The following ERI1 variants were observed in gnomAD, a reference collection of about 807,000 sequenced individuals.
ERI1 encodes exoribonuclease 1, also known as 3'-5' exoribonuclease 1.
A neutral mutation model predicts 39.7 loss-of-function variants in ERI1; 39 were observed. The ratio of observed to expected loss-of-function variants is 0.98; its 90% CI spans 0.76 to 1.28. ERI1 has a LOEUF of 1.28. Among genes scored for constraint, ERI1 ranks in the 50% most tolerant of loss-of-function variants. The pLI is 0.00. For missense variants in ERI1, 581 were observed against 416.9 expected (o/e 1.39, Z -3.43); for synonymous variants, 204 against 149.6 (o/e 1.36, Z -2.65).
intron 3 of ERI1, among the ~76,000 whole-genome samples, chr8:9,085,968 G>T: frequency 6.6e-6 from 1 of 150,630 alleles, no homozygotes; most frequent in East Asian, 1.9e-4. Context: ...TGCATGTGTT[G>T]GTTTGTGTGT....
chr8:9,046,342 G>A (rs1038303972), intron 3 of ERI1, among the ~76,000 whole-genome samples: 1 of 152,218 alleles, frequency 6.6e-6, no homozygotes, highest in Non-Finnish European at 1.5e-5. Flanking sequence ...AGCAGAGAGA[G>A]ACATGAGCAG....
intron 3 of ERI1, chr8:9,088,634 G>T (rs920983006): frequency 6.6e-6 from 1 of 152,224 alleles, no homozygotes; most frequent in Non-Finnish European, 1.5e-5. Flanking sequence ...TGGCGCAGAG[G>T]GGGAGCAATG....
At chr8:9,016,013 G>A (rs973116306) in intron 3 of ERI1, among the ~76,000 whole-genome samples, 14 of 151,892 alleles carry the variant, frequency 9.2e-5, no homozygotes, top group African/African-American at 3.1e-4. Flanking sequence ...GCATTAATGC[G>A]CTTTATAGTT....
chr8:9,087,339 G>A (rs574956010), intron 3 of ERI1, among the ~76,000 whole-genome samples: 25 of 151,470 alleles, frequency 1.7e-4, no homozygotes, highest in African/African-American at 3.9e-4. Flanking sequence ...TCCGCCTCCC[G>A]GGTTGAAGCC....
chr8:9,093,469 C>T (rs979920074), intron 3 of ERI1, among the ~76,000 whole-genome samples: 2 of 144,984 alleles, frequency 1.4e-5, no homozygotes, highest in Middle Eastern at 3.6e-3. Flanking sequence ...ATGCATACAC[C>T]TGGATAATAT....
chr8:9,087,930 G>C (rs1799581933), intron 3 of ERI1, among the ~76,000 whole-genome samples: 1 of 152,270 alleles, frequency 6.6e-6, no homozygotes, highest in East Asian at 1.9e-4. Flanking sequence ...AAGACTTTCA[G>C]TACAAATAAG....
At chr8:9,016,194 A>C in intron 3 of ERI1, 128 bp from the exon 4 acceptor site, 6 of 458,730 alleles carry the variant, frequency 1.3e-5, no homozygotes, top group Non-Finnish European at 3.9e-6. Flanking sequence ...ATTATTCTTA[A>C]AAACTGGAAG....
chr8:9,080,328 G>T (rs1320589728), intron 3 of ERI1, among the ~76,000 whole-genome samples: 2 of 152,230 alleles, frequency 1.3e-5, no homozygotes. Context: ...TGCCCTGCTA[G>T]TGTCTAGGAG....
chr8:9,034,167 A>AG (rs1797760911), downstream of ERI1, among the ~76,000 whole-genome samples: 1 of 152,266 alleles, frequency 6.6e-6, no homozygotes, highest in Non-Finnish European at 1.5e-5. Context: ...TTCCTTACCA[A>AG]GACTTGGGTA....
At chr8:9,099,805 T>C (rs1380483467) in intron 3 of ERI1, 1 of 152,196 alleles carries the variant, frequency 6.6e-6, no homozygotes, top group Non-Finnish European at 1.5e-5. Context: ...AATGCCGCAG[T>C]CTTTGCTAAC....
chr8:9,037,882 T>C (rs113198062), downstream of ERI1, among the ~76,000 whole-genome samples: 312 of 107,598 alleles, frequency 2.9e-3, 1 homozygote, highest in African/African-American at 9.7e-3. Context: ...AGTCTGTACA[T>C]TGCTGATTTA....
At chr8:9,014,109 A>G (rs762887905) in intron 3 of ERI1, among the ~76,000 whole-genome samples, 3 of 152,152 alleles carry the variant, frequency 2.0e-5, no homozygotes, top group Admixed American at 6.5e-5. Flanking sequence ...TATTCCTTAC[A>G]TGACCTGGCC....
chr8:9,086,036 C>T (rs1799514188), intron 3 of ERI1, among the ~76,000 whole-genome samples: 1 of 152,062 alleles, frequency 6.6e-6, no homozygotes, highest in Non-Finnish European at 1.5e-5. Flanking sequence ...GAATTTTATC[C>T]TACTATTAGG....
chr8:9,054,735 G>A (rs553308896), intron 3 of ERI1, among the ~76,000 whole-genome samples: 1 of 152,320 alleles, frequency 6.6e-6, no homozygotes, highest in Non-Finnish European at 1.5e-5. Flanking sequence ...GATCAGGCTG[G>A]CCAACATGAC....
chr8:9,009,158 C>G lies in ERI1; in HGVS notation c.287+1010C>G, dbSNP rs139144640. 3.4e-3 allele frequency: 1,501 copies of G among 447,076 alleles called. 18 individuals are homozygous for G. Among genetic ancestry groups the G allele is most frequent in the African/African-American group, 0.028 (1,394 of 49,636 alleles). The allele number at this position is 447,076 out of a possible 1,614,324, so 27.7% of individuals were successfully genotyped here. ...CTAGATGTATGTTTATACGTTTATTCAACAAGCCTGTATTGAATTCTAAGT... is the reference window on the plus strand; with the variant it reads ...CTAGATGTATGTTTATACGTTTATTGAACAAGCCTGTATTGAATTCTAAGT... On this transcript the variant is annotated intron_variant, in intron 2 of 6. Transcript: ENST00000250263.
At chr8:9,034,398 T>A (rs552634003), downstream of ERI1, among the ~76,000 whole-genome samples, 3 of 152,392 alleles carry the variant, frequency 2.0e-5, no homozygotes, top group East Asian at 5.8e-4. Flanking sequence ...GTGAATCCTG[T>A]GTGGAGAAAG....
At chr8:9,042,768 G>A (rs981222096) in intron 3 of ERI1, among the ~76,000 whole-genome samples, 9 of 152,162 alleles carry the variant, frequency 5.9e-5, no homozygotes, top group Non-Finnish European at 1.0e-4. Flanking sequence ...TCATGATTTC[G>A]GATTAGTGAT....
At chr8:9,004,753 C>G (rs1026245403) in intron 1 of ERI1, among the ~76,000 whole-genome samples, 5 of 33,564 alleles carry the variant, frequency 1.5e-4, no homozygotes, top group Non-Finnish European at 2.3e-4. Context: ...ATGGCATGGT[C>G]TCAGCTTACT....
At chr8:9,068,339 C>T (rs1156674907) in intron 3 of ERI1, among the ~76,000 whole-genome samples, 1 of 152,164 alleles carries the variant, frequency 6.6e-6, no homozygotes, top group African/African-American at 2.4e-5. Flanking sequence ...TTCTCTTTCT[C>T]TCTCTCTCCT....
Sources: allele counts gnomAD v4.1 joint callset (sites outside exome capture counted in the v4.1 genomes callset), GRCh38; gene constraint gnomAD v4.1.1; transcripts MANE v1.5; gene names NCBI Gene and HGNC (gene_info 2026-07-23, HGNC 2026-07-21).